Variants in RBFOX1 observed in about 807,000 individuals in gnomAD.
The protein encoded by RBFOX1 is RNA binding fox-1 homolog 1.
A neutral mutation model predicts 57.7 loss-of-function variants in RBFOX1; 8 were observed. That is an observed-to-expected ratio of 0.14 (90% CI 0.08 to 0.25). The LOEUF (loss-of-function observed/expected upper bound fraction) is 0.25. Ranked by LOEUF, RBFOX1 falls within the 10% of genes least tolerant of loss-of-function variation. The probability of loss-of-function intolerance (pLI) is 1.00; values close to 1 mark genes in which losing one functional copy is unlikely to be tolerated. For missense variants in RBFOX1, 611 were observed against 548.5 expected (o/e 1.11, Z -1.14); for synonymous variants, 326 against 222.4 (o/e 1.47, Z -4.15).
chr16:7,470,822 G>C (rs2061424424), intron 4 of RBFOX1, among the ~76,000 whole-genome samples: 1 of 152,016 alleles, frequency 6.6e-6, no homozygotes, highest in Admixed American at 6.6e-5. Context: ...CAAGAGTTCA[G>C]GGCAAAGAAA....
intron 2 of RBFOX1, among the ~76,000 whole-genome samples, chr16:6,425,314 G>A (rs1418556310): frequency 1.3e-5 from 2 of 152,164 alleles, no homozygotes; most frequent in East Asian, 1.9e-4. Context: ...TAGCTAAGCT[G>A]AAGGAGGAAT....
intron 3 of RBFOX1, among the ~76,000 whole-genome samples, chr16:5,854,341 C>G (rs1237722761): frequency 2.0e-5 from 3 of 152,222 alleles, no homozygotes; most frequent in Non-Finnish European, 4.4e-5. Flanking sequence ...CCTATTTCTT[C>G]TCACCTCCGG....
intron 3 of RBFOX1, among the ~76,000 whole-genome samples, chr16:6,980,247 A>G (rs181094895): frequency 1.3e-5 from 2 of 152,174 alleles, no homozygotes; most frequent in African/African-American, 4.8e-5. Context: ...TTTATTTCCT[A>G]TACAAATGTG....
chr16:7,677,837 T>C (rs1418986325), intron 14 of RBFOX1, among the ~76,000 whole-genome samples: 1 of 152,176 alleles, frequency 6.6e-6, no homozygotes, highest in Non-Finnish European at 1.5e-5. Flanking sequence ...GCAGGCGATG[T>C]ATTTGACTCC....
At chr16:7,521,290 C>T (rs1507015) in intron 5 of RBFOX1, among the ~76,000 whole-genome samples, 141,336 of 152,248 alleles carry the variant, frequency 0.93, 66,002 homozygotes, top group Non-Finnish European at 0.99. Flanking sequence ...AAAGATGAAC[C>T]GGGAGGAATT....
intron 3 of RBFOX1, among the ~76,000 whole-genome samples, chr16:6,748,109 T>C (rs907421197): frequency 6.6e-6 from 1 of 152,184 alleles, no homozygotes; most frequent in Non-Finnish European, 1.5e-5. Flanking sequence ...GTAATTATTA[T>C]CTGGTAGGAT....
intron 3 of RBFOX1, among the ~76,000 whole-genome samples, chr16:6,828,911 C>A (rs897923665): frequency 6.6e-6 from 1 of 152,126 alleles, no homozygotes; most frequent in African/African-American, 2.4e-5. Flanking sequence ...CCCCAAATCC[C>A]CTTAGGCATG....
chr16:6,743,978 A>G (rs996203030), intron 3 of RBFOX1, among the ~76,000 whole-genome samples: 27 of 151,712 alleles, frequency 1.8e-4, no homozygotes, highest in African/African-American at 3.4e-4. Flanking sequence ...TATCTTTTCA[A>G]TATATAAAGC....
intron 2 of RBFOX1, among the ~76,000 whole-genome samples, chr16:5,519,266 A>G (rs2043918711): frequency 6.6e-6 from 1 of 152,212 alleles, no homozygotes; most frequent in African/African-American, 2.4e-5. Flanking sequence ...CATGAGTAGA[A>G]TATCTGGGCT....
At chr16:7,195,201 C>A (rs565437732) in intron 4 of RBFOX1, among the ~76,000 whole-genome samples, 4 of 152,284 alleles carry the variant, frequency 2.6e-5, no homozygotes, top group African/African-American at 9.6e-5. Context: ...GGACTCTGTT[C>A]ATGGACTGAG....
At chr16:7,012,527 A>G (rs2093700852) in intron 3 of RBFOX1, among the ~76,000 whole-genome samples, 1 of 152,218 alleles carries the variant, frequency 6.6e-6, no homozygotes, top group South Asian at 2.1e-4. Flanking sequence ...GAGAAAAACA[A>G]GGACATTGGA....
chr16:6,511,906 AT>A (rs1212256353), intron 2 of RBFOX1, among the ~76,000 whole-genome samples: 1 of 152,030 alleles, frequency 6.6e-6, no homozygotes, highest in African/African-American at 2.4e-5. Flanking sequence ...AGGAGTGTCT[AT>A]TTCATAAAGT....
At chr16:6,331,221 C>T (rs1237506983) in intron 2 of RBFOX1, among the ~76,000 whole-genome samples, 2 of 152,066 alleles carry the variant, frequency 1.3e-5, no homozygotes, top group Non-Finnish European at 2.9e-5. Context: ...GAGGCCAAGG[C>T]AGGTGGACGT....
intron 4 of RBFOX1, among the ~76,000 whole-genome samples, chr16:5,877,428 G>A (rs1194800844): frequency 1.3e-5 from 2 of 152,228 alleles, no homozygotes; most frequent in Non-Finnish European, 2.9e-5. Context: ...GGGGGAGAGT[G>A]AATACCTAGA....
chr16:7,448,010 C>T (rs909333033), intron 4 of RBFOX1, among the ~76,000 whole-genome samples: 10 of 152,296 alleles, frequency 6.6e-5, no homozygotes, highest in Admixed American at 5.2e-4. Context: ...TCTTTAGAAA[C>T]ACCCACCCTC....
intron 2 of RBFOX1, among the ~76,000 whole-genome samples, chr16:5,556,736 A>G (rs2045692823): frequency 6.6e-6 from 1 of 152,200 alleles, no homozygotes; most frequent in Non-Finnish European, 1.5e-5. Flanking sequence ...CATGAGATGC[A>G]TGACATGTCC....
intron 3 of RBFOX1, among the ~76,000 whole-genome samples, chr16:7,024,675 A>G (rs967609122): frequency 6.6e-6 from 1 of 152,140 alleles, no homozygotes; most frequent in East Asian, 1.9e-4. Flanking sequence ...AGGCACTTAG[A>G]TACGAATGGA....
chr16:7,628,391 C>A lies in RBFOX1; in HGVS notation c.677-2212C>A, dbSNP rs185796345. 4.3e-4 allele frequency among the ~76,000 whole-genome samples: 66 copies of A among 152,142 alleles called. 1 individual carries two copies. In the East Asian group the frequency reaches 5.0e-3, roughly 12 times the overall value. The stretch of plus-strand genomic sequence containing the variant: ...CAGTGAGCAGAAGCACATAGATAAC[C>A]GCTGCAGAGTCACACAGGAGTACTC... On this transcript the variant is annotated intron_variant, in intron 10 of 15. Transcript: ENST00000550418.
At chr16:6,680,051 C>T (rs2058391724) in intron 3 of RBFOX1, among the ~76,000 whole-genome samples, 1 of 151,972 alleles carries the variant, frequency 6.6e-6, no homozygotes, top group Non-Finnish European at 1.5e-5. Flanking sequence ...TGTTTCATAA[C>T]AGTGTGGTCT....
Sources: gnomAD v4.1 joint callset for allele counts (sites outside exome capture counted in the v4.1 genomes callset) on GRCh38, gnomAD v4.1.1 for gene constraint, MANE v1.5 for transcripts, NCBI Gene and HGNC (gene_info 2026-07-23, HGNC 2026-07-21) for gene names.